TBC1D32: variants seen among roughly 807,000 people sequenced by gnomAD.
TBC1D32 encodes protein broad-minded.
A neutral mutation model predicts 170.3 loss-of-function variants in TBC1D32; 151 were observed. The ratio of observed to expected loss-of-function variants is 0.89; its 90% CI spans 0.78 to 1.01. The LOEUF (loss-of-function observed/expected upper bound fraction) is 1.01. Ranked by LOEUF, TBC1D32 falls within the 50% of genes least tolerant of loss-of-function variation. The pLI is 0.00. For synonymous variants in TBC1D32, 498 were observed against 488.0 expected (o/e 1.02, Z -0.27); for missense variants, 1,464 against 1,457.1 (o/e 1.00, Z -0.08).
At chr6:121,213,568 T>C (rs1176063832) in intron 21 of TBC1D32, among the ~76,000 whole-genome samples, 1 of 147,988 alleles carries the variant, frequency 6.8e-6, no homozygotes, top group East Asian at 2.0e-4. Flanking sequence ...TAAAATAAAA[T>C]ACCTAGGAAT....
chr6:121,273,919 A>G (rs1421612583), intron 15 of TBC1D32, among the ~76,000 whole-genome samples: 6 of 152,140 alleles, frequency 3.9e-5, no homozygotes, highest in Non-Finnish European at 2.9e-5. Flanking sequence ...TTCTGTTCAT[A>G]AATCTTCTTC....
intron 4 of TBC1D32, among the ~76,000 whole-genome samples, chr6:121,310,434 AAT>A (rs1263403186): frequency 2.0e-5 from 3 of 152,108 alleles, no homozygotes; most frequent in Admixed American, 2.0e-4. Context: ...GTAAAAAAAG[AAT>A]TAAAAATCTT....
At chr6:121,120,437 AAG>A (rs1780139160) in intron 26 of TBC1D32, among the ~76,000 whole-genome samples, 1 of 152,090 alleles carries the variant, frequency 6.6e-6, no homozygotes, top group Non-Finnish European at 1.5e-5. Flanking sequence ...CAATGTGAAA[AAG>A]AGAGCTATAC....
intron 12 of TBC1D32, 96 bp downstream of exon 12, chr6:121,291,957 G>C: frequency 7.7e-7 from 1 of 1,292,996 alleles, no homozygotes; most frequent in South Asian, 1.8e-5. Context: ...GCTAAGTACC[G>C]TAGAAAGGAA....
In TBC1D32 at chr6:121,239,086, T is replaced by G; in HGVS notation, c.2348A>C (p.Asp783Ala). ...ACTTCTTACCTTTTGACAGCTTCGGTCAATAGGATCCACTGGAGTAGTTCT... is the reference window on the plus strand; with the variant it reads ...ACTTCTTACCTTTTGACAGCTTCGGGCAATAGGATCCACTGGAGTAGTTCT... ...HPRTTPVDPI[D>A]RSCQKSFLAL... Residue 783 changes from aspartate to alanine, a missense_variant, in exon 20 of 32, where the codon GAC becomes GCC. Asp to Ala is a moderately radical substitution (Grantham distance 126, BLOSUM62 -2). Coordinates refer to ENST00000398212, the MANE Select transcript of TBC1D32 (RefSeq NM_152730.6). The G allele has an allele frequency of 1.3e-6, 2 of 1,591,836 alleles. No homozygotes were observed. Among genetic ancestry groups the G allele is most frequent in the Non-Finnish European group, 1.7e-6 (2 of 1,163,876 alleles).
chr6:121,307,332 T>C (rs758261088), intron 5 of TBC1D32, among the ~76,000 whole-genome samples: 1 of 152,116 alleles, frequency 6.6e-6, no homozygotes, highest in Non-Finnish European at 1.5e-5. Flanking sequence ...GCTGTGATCA[T>C]GCCACTACAC....
intron 22 of TBC1D32, among the ~76,000 whole-genome samples, chr6:121,201,716 AG>A (rs1274260380): frequency 5.3e-5 from 8 of 151,234 alleles, no homozygotes; most frequent in Non-Finnish European, 5.9e-5. Flanking sequence ...TTTTTATAAA[AG>A]AATTTATTTT....
rs143014301 is a variant in TBC1D32 at position 121,274,308 on chromosome 6, G to T, written c.1733+4813C>A. ...AGATCATGCGACTGCACTCCAGCCT[G>T]GGCGACAGAGTCATGAGACTCTGTC... is the stretch of plus-strand genomic sequence containing the variant. On this transcript the variant is annotated intron_variant, in intron 15 of 31. Transcript: ENST00000398212. Among the ~76,000 whole-genome samples the T allele has an allele frequency of 3.5e-3, 538 of 151,828 alleles. 3 individuals are homozygous for T. Among genetic ancestry groups the T allele is most frequent in the African/African-American group, 0.012 (501 of 41,408 alleles).
At chr6:121,269,488 A>G (rs1464107649) in intron 15 of TBC1D32, among the ~76,000 whole-genome samples, 6 of 146,808 alleles carry the variant, frequency 4.1e-5, no homozygotes, top group Admixed American at 6.6e-5. Flanking sequence ...CAGACTTTAA[A>G]CCAACAAAGA....
rs191588997 is a variant in TBC1D32, at chr6:121,151,782, T to C, written c.2773+8228A>G. ...GCCCTTCATTGTCTTTTTTGATCTTTGTTGGTTTAAAGTCTGTTTTATCAG... is the reference window on the plus strand; with the variant it reads ...GCCCTTCATTGTCTTTTTTGATCTTCGTTGGTTTAAAGTCTGTTTTATCAG... On this transcript the variant is annotated intron_variant, in intron 24 of 31. Coordinates refer to ENST00000398212, the MANE Select transcript of TBC1D32 (RefSeq NM_152730.6). 3.3e-3 allele frequency among the ~76,000 whole-genome samples: 508 copies of C among 152,334 alleles called. 3 individuals are homozygous for C. The highest frequency in any genetic ancestry group is 4.8e-3 in the Admixed American group (74 of 15,294).
chr6:121,261,777 T>G (rs187971354), intron 15 of TBC1D32, among the ~76,000 whole-genome samples: 9 of 152,098 alleles, frequency 5.9e-5, no homozygotes, highest in Non-Finnish European at 1.2e-4. Context: ...GGACGGAGGA[T>G]GAGATGGATG....
chr6:121,104,161 A>G (rs1222877330), intron 30 of TBC1D32, among the ~76,000 whole-genome samples: 1 of 151,838 alleles, frequency 6.6e-6, no homozygotes, highest in East Asian at 1.9e-4. Context: ...TAATATCAAG[A>G]AAAACTACTG....
At chr6:121,129,767 G>T in intron 25 of TBC1D32, 1 of 335,756 alleles carries the variant, frequency 3.0e-6, no homozygotes, top group Admixed American at 3.8e-5. Flanking sequence ...TCATTCAGGG[G>T]ATAAAAGGAA....
intron 21 of TBC1D32, among the ~76,000 whole-genome samples, chr6:121,211,463 CT>C: frequency 6.6e-6 from 1 of 152,108 alleles, no homozygotes; most frequent in East Asian, 1.9e-4. Context: ...TCCCTCACCC[CT>C]CTCCTATCCT....
rs185144065 is a variant in TBC1D32, at chr6:121,278,570, G to T, written c.1733+551C>A. Among the ~76,000 whole-genome samples, 179 of 152,200 alleles carry T rather than the reference G, an allele frequency of 1.2e-3. 1 individual carries two copies. Among genetic ancestry groups the T allele is most frequent in the Non-Finnish European group, 2.2e-3 (152 of 67,964 alleles). ...TAAGAGGGAAATGTTTGAATAAATTGTGGTACAGCTATACACAAAAGTGTA... is the reference window on the plus strand; with the variant it reads ...TAAGAGGGAAATGTTTGAATAAATTTTGGTACAGCTATACACAAAAGTGTA... On this transcript the variant is annotated intron_variant, in intron 15 of 31. Coordinates refer to ENST00000398212, the MANE Select transcript of TBC1D32 (RefSeq NM_152730.6).
intron 21 of TBC1D32, among the ~76,000 whole-genome samples, chr6:121,221,116 C>T (rs1323528049): frequency 2.0e-4 from 30 of 152,154 alleles, no homozygotes; most frequent in Admixed American, 2.0e-3. Context: ...TGCTCATTTA[C>T]CATTCCAAAA....
chr6:121,325,195 C>G (rs1034945219), intron 1 of TBC1D32, among the ~76,000 whole-genome samples: 29 of 141,762 alleles, frequency 2.0e-4, no homozygotes, highest in African/African-American at 7.8e-4. Flanking sequence ...CTGGGTGACA[C>G]AGCAAGACTC....
intron 24 of TBC1D32, among the ~76,000 whole-genome samples, chr6:121,146,052 T>C (rs1783396585): frequency 6.6e-6 from 1 of 152,126 alleles, no homozygotes; most frequent in Non-Finnish European, 1.5e-5. Flanking sequence ...AGTGAGGCAA[T>C]GCTAGTTGAA....
chr6:121,088,508 CAA>C (rs1776481161), intron 31 of TBC1D32, among the ~76,000 whole-genome samples: 1 of 151,978 alleles, frequency 6.6e-6, no homozygotes, highest in Non-Finnish European at 1.5e-5. Flanking sequence ...ACTTCACAGA[CAA>C]GAGACTATTT....
Sources: gnomAD v4.1 joint callset for allele counts (sites outside exome capture counted in the v4.1 genomes callset) on GRCh38, gnomAD v4.1.1 for gene constraint, MANE v1.5 for transcripts, NCBI Gene and HGNC (gene_info 2026-07-23, HGNC 2026-07-21) for gene names.